Variants in GANAB observed in about 807,000 individuals in gnomAD.
The protein encoded by GANAB is neutral alpha-glucosidase AB.
A neutral mutation model predicts 129.9 loss-of-function variants in GANAB; 35 were observed. The ratio of observed to expected loss-of-function variants is 0.27; its 90% confidence interval spans 0.21 to 0.36. The LOEUF (loss-of-function observed/expected upper bound fraction) is 0.36. Ranked by LOEUF, GANAB falls within the 10% of genes least tolerant of loss-of-function variation. The pLI, the probability that GANAB is intolerant of heterozygous loss-of-function variation, is 1.00. For synonymous variants in GANAB, 482 were observed against 451.8 expected (o/e 1.07, Z -0.85); for missense variants, 939 against 1,221.0 (o/e 0.77, Z 3.44).
rs1943326294 is a variant in GANAB, at chr11:62,625,536, C to T, written c.*279G>A. On this transcript the variant is annotated 3_prime_UTR_variant, in exon 24 of 24. Transcript: ENST00000356638. ...AGGGGCGACAAGGGCCCTGTGGTTT[C>T]CTGGTGTTCGTAAGTGAATGTGCTC... 2 of 484,490 alleles carry T rather than the reference C, an allele frequency of 4.1e-6. No homozygotes were observed. Among genetic ancestry groups the T allele is most frequent in the South Asian group, 4.1e-5 (2 of 48,230 alleles). The allele number at this position is 484,490 out of a possible 1,614,324, so 30.0% of individuals were successfully genotyped here.
Position 62,633,064 on chromosome 11 carries a change from G to C in GANAB, c.756C>G (p.Gly252=). ...MSVGLDFSLP[G]MEHVYGIPEH... ...CAGGGATCCCATAGACATGCTCCATGCCTGGCAGAGAGAAGTCCAAACCCA... is the reference window on the plus strand; with the variant it reads ...CAGGGATCCCATAGACATGCTCCATCCCTGGCAGAGAGAAGTCCAAACCCA... The change falls in exon 8 of 24, where the codon GGC becomes GGG. Residue 252 remains glycine (G), a synonymous_variant. Coordinates refer to ENST00000356638, the MANE Select transcript of GANAB (RefSeq NM_198334.3). The C allele has an allele frequency of 1.2e-6, 2 of 1,612,386 alleles. No individual in the cohort carries two copies. Among genetic ancestry groups the C allele is most frequent in the Non-Finnish European group, 1.7e-6 (2 of 1,178,492 alleles).
At chr11:62,643,840 A>C (rs1465593768) in intron 1 of GANAB, among the ~76,000 whole-genome samples, 1 of 152,204 alleles carries the variant, frequency 6.6e-6, no homozygotes, top group East Asian at 1.9e-4. Flanking sequence ...AAAGTTGCCC[A>C]GGCTTGTCTT....
At chr11:62,634,312 A>G in intron 5 of GANAB, 1 of 1,596,476 alleles carries the variant, frequency 6.3e-7, no homozygotes, top group Non-Finnish European at 8.6e-7. Flanking sequence ...GGATTTACCT[A>G]GAGAAAAGGT....
chr11:62,644,135 G>T (rs1043377651), intron 1 of GANAB, among the ~76,000 whole-genome samples: 6 of 151,926 alleles, frequency 3.9e-5, no homozygotes, highest in African/African-American at 1.4e-4. Context: ...GTAGAGACGG[G>T]GTTTCTCTGT....
At chr11:62,644,869 A>C (rs768265435) in intron 1 of GANAB, among the ~76,000 whole-genome samples, 7 of 152,076 alleles carry the variant, frequency 4.6e-5, no homozygotes, top group African/African-American at 7.2e-5. Context: ...TTGACAACCT[A>C]TAATAAGGTA....
At chr11:62,645,725 G>A (rs561502312) in intron 1 of GANAB, among the ~76,000 whole-genome samples, 1 of 152,120 alleles carries the variant, frequency 6.6e-6, no homozygotes, top group African/African-American at 2.4e-5. Context: ...GTGTTCATAG[G>A]CCAAAGTCAG....
intron 1 of GANAB, among the ~76,000 whole-genome samples, chr11:62,644,142 C>G (rs1944378575): frequency 6.6e-6 from 1 of 152,026 alleles, no homozygotes; most frequent in Non-Finnish European, 1.5e-5. Flanking sequence ...CGGGGTTTCT[C>G]TGTGTTGGTC....
rs1330546453 is a variant in GANAB, at chr11:62,625,813, G to C, written c.*2C>G. On this transcript the variant is annotated 3_prime_UTR_variant, in exon 24 of 24. Transcript: ENST00000356638. ...TCCCCCTAACCCAGAACATCCCTTG[G>C]GTTATCGCAGGTGAATACTCCAATC... The C allele has an allele frequency of 6.4e-7, 1 of 1,570,644 alleles. No individual in the cohort carries two copies. The highest frequency in any genetic ancestry group is 2.2e-5 in the East Asian group (1 of 44,700).
Position 62,625,148 on chromosome 11 carries a change from T to C in GANAB, c.*667A>G. 8.9e-6 allele frequency: 4 copies of C among 450,940 alleles called. No individual in the cohort carries two copies. Among genetic ancestry groups the C allele is most frequent in the East Asian group, 1.4e-4 (2 of 14,392 alleles). The allele number at this position is 450,940 out of a possible 1,614,324, so 27.9% of individuals were successfully genotyped here. The stretch of plus-strand genomic sequence containing the variant: ...ATCCCCTAAGAGGTGTGGAAACGTC[T>C]TTCTGCCGAGGGACAGAGGAGGTAG... On this transcript the variant is annotated 3_prime_UTR_variant, in exon 24 of 24. Transcript: ENST00000356638.
At chr11:62,638,448 C>T (rs765417699) in intron 4 of GANAB, among the ~76,000 whole-genome samples, 2 of 152,002 alleles carry the variant, frequency 1.3e-5, no homozygotes, top group African/African-American at 2.4e-5. Context: ...CCACCATGCC[C>T]GGCCACTATG....
Position 62,630,037 on chromosome 11 carries a change from A to C in GANAB, c.1594-80T>G, listed in dbSNP as rs536418956. On this transcript the variant is annotated intron_variant, in intron 13 of 23. Transcript: ENST00000356638. ...AACAGTGTCAGAGAAGAGAGCTCCT[A>C]GGAATCTAAAAAGATGCATTTTTCA... 3.3e-5 allele frequency: 49 copies of C among 1,495,836 alleles called. No individual in the cohort carries two copies. In the Admixed American group the frequency reaches 6.8e-4, roughly 21 times the overall value. 92.7% of individuals were successfully genotyped at this position (1,495,836 alleles called of 1,614,324 possible).
chr11:62,644,747 C>T (rs987526567), intron 1 of GANAB, among the ~76,000 whole-genome samples: 2 of 152,030 alleles, frequency 1.3e-5, no homozygotes, highest in African/African-American at 2.4e-5. Context: ...CGCTTGAACT[C>T]GGGAGGTGGA....
chr11:62,631,757 G>A (rs1303893595), intron 9 of GANAB, among the ~76,000 whole-genome samples: 2 of 151,396 alleles, frequency 1.3e-5, no homozygotes, highest in South Asian at 2.1e-4. Flanking sequence ...CACTGCACCC[G>A]GCATCATCTT....
At chr11:62,636,307 G>A (rs1300452334) in intron 4 of GANAB, among the ~76,000 whole-genome samples, 2 of 151,292 alleles carry the variant, frequency 1.3e-5, no homozygotes, top group Non-Finnish European at 2.9e-5. Context: ...AAATTTAAAA[G>A]TAAAAGCTTT....
chr11:62,642,697 G>A (rs149389391), intron 1 of GANAB, among the ~76,000 whole-genome samples: 111 of 152,260 alleles, frequency 7.3e-4, no homozygotes, highest in Middle Eastern at 3.4e-3. Context: ...CTCCCACAGT[G>A]CTGGGATTAC....
At position 62,625,491 on chromosome 11, in the gene GANAB, T is replaced by A; in HGVS notation, c.*324A>T. On this transcript the variant is annotated 3_prime_UTR_variant, in exon 24 of 24. Coordinates refer to ENST00000356638, the MANE Select transcript of GANAB (RefSeq NM_198334.3). ...GATAGACTCTGGGGGAGTTCAGGGCTCCTAAATAAGGGAAAGAGAAGGGGC... is the reference window on the plus strand; with the variant it reads ...GATAGACTCTGGGGGAGTTCAGGGCACCTAAATAAGGGAAAGAGAAGGGGC... 2.4e-6 allele frequency: 1 copy of A among 414,094 alleles called. No individual in the cohort carries two copies. The highest frequency in any genetic ancestry group is 2.1e-5 in the South Asian group (1 of 47,958). The allele number at this position is 414,094 out of a possible 1,614,324, so 25.7% of individuals were successfully genotyped here.
At chr11:62,639,828 T>C (rs1041770807) in intron 1 of GANAB, 97 bp from the exon 2 acceptor site, 2 of 745,800 alleles carry the variant, frequency 2.7e-6, no homozygotes, top group Non-Finnish European at 4.8e-6. Context: ...CACTAGAAGA[T>C]AGTTGAGGAA....
chr11:62,644,213 G>A (rs1401256555), intron 1 of GANAB, among the ~76,000 whole-genome samples: 1 of 152,028 alleles, frequency 6.6e-6, no homozygotes, highest in Non-Finnish European at 1.5e-5. Flanking sequence ...CAAAGTGCTG[G>A]GATTACAGGT....
At chr11:62,627,240 T>C in intron 18 of GANAB, 49 bp downstream of exon 18, 1 of 1,411,180 alleles carries the variant, frequency 7.1e-7, no homozygotes, top group East Asian at 2.3e-5. Flanking sequence ...GCATCCGCAG[T>C]GCTGCTTGGC....
Sources: allele counts gnomAD v4.1 joint callset (sites outside exome capture counted in the v4.1 genomes callset), GRCh38; gene constraint gnomAD v4.1.1; transcripts MANE v1.5; gene names NCBI Gene and HGNC (gene_info 2026-07-23, HGNC 2026-07-21).